SPTBN2: variants seen among roughly 807,000 people sequenced by gnomAD.
SPTBN2 encodes the protein spectrin beta, non-erythrocytic 2.
In SPTBN2, 107 loss-of-function variants were observed where a neutral mutation model predicts 284.2. That is an observed-to-expected ratio of 0.38 (90% CI 0.32 to 0.44). The LOEUF (loss-of-function observed/expected upper bound fraction) is 0.44, where lower values mean the gene tolerates loss of function less well. Ranked by LOEUF, SPTBN2 falls within the 20% of genes least tolerant of loss-of-function variation. The probability of loss-of-function intolerance (pLI) is 1.00; values close to 1 mark genes in which losing one functional copy is unlikely to be tolerated. For synonymous variants in SPTBN2, 1,289 were observed against 1,354.8 expected (o/e 0.95, Z 1.07); for missense variants, 2,569 against 3,287.1 (o/e 0.78, Z 5.34).
chr11:66,689,320 G>A, intron 29 of SPTBN2, 140 bp from the exon 30 acceptor site: 1 of 931,252 alleles, frequency 1.1e-6, no homozygotes, highest in Non-Finnish European at 1.6e-6. Context: ...TATCACCAAG[G>A]CTGGAATGCA....
intron 3 of SPTBN2, among the ~76,000 whole-genome samples, chr11:66,717,486 C>G (rs1351727827): frequency 6.6e-6 from 1 of 152,306 alleles, no homozygotes; most frequent in African/African-American, 2.4e-5. Context: ...AACACACCCA[C>G]GTCGCTCCGT....
chr11:66,735,030 C>A (rs1942842612), intron 1 of SPTBN2, among the ~76,000 whole-genome samples: 1 of 152,022 alleles, frequency 6.6e-6, no homozygotes, highest in African/African-American at 2.4e-5. Flanking sequence ...TTTATTAGAC[C>A]CTTTAAAATC....
At position 66,693,660 on chromosome 11, in the gene SPTBN2, T is replaced by C; in HGVS notation, c.4593+112A>G. The stretch of plus-strand genomic sequence containing the variant: ...TCCCAAGGTGAGGAAAGACAGCCAC[T>C]GAAGTCCAGGGTTACACTCAGCATC... On this transcript the variant is annotated intron_variant, in intron 23 of 37. Coordinates refer to ENST00000533211, the MANE Select transcript of SPTBN2 (RefSeq NM_006946.4). This position sits in a 1 kb window ranked among gnomAD's most constrained non-coding sequence, Gnocchi z 5.7. 1 of 1,326,078 alleles carries C rather than the reference T, an allele frequency of 7.5e-7. No homozygotes were observed. The highest frequency in any genetic ancestry group is 2.5e-5 in the East Asian group (1 of 39,894). 82.1% of individuals were successfully genotyped at this position (1,326,078 alleles called of 1,614,324 possible). A position where few individuals can be genotyped will look rare whatever the true frequency, so the allele number is the denominator to read the frequency against.
At position 66,694,652 on chromosome 11, in the gene SPTBN2, T is replaced by G. The variant is rs372216301; in HGVS notation, c.4279-289A>C. Among the ~76,000 whole-genome samples, 12 of 152,306 alleles carry G rather than the reference T, an allele frequency of 7.9e-5. No homozygotes were observed. In the East Asian group the frequency reaches 2.3e-3, roughly 29 times the overall value. On this transcript the variant is annotated intron_variant, in intron 21 of 37. Transcript: ENST00000533211. ...CACACAATATAACTTATAACAAACC[T>G]GCACCCACACCCGCGAATCTAAAAG... is the stretch of plus-strand genomic sequence containing the variant.
rs188111050 is a variant in SPTBN2 at position 66,716,053 on chromosome 11, G to T, written c.158-72C>A. The T allele has an allele frequency of 3.1e-6, 5 of 1,605,102 alleles. No homozygotes were observed. In the African/African-American group the frequency reaches 6.7e-5, roughly 21 times the overall value. ...CCTGCTTCTAAACACCAGTTGGCAG[G>T]GGTGGGGGATGGAGAAGCCTGAGAG... is the stretch of plus-strand genomic sequence containing the variant. On this transcript the variant is annotated intron_variant, in intron 3 of 37. Transcript: ENST00000533211.
chr11:66,692,796 G>C, intron 25 of SPTBN2, 56 bp from the exon 26 acceptor site: 1 of 1,598,374 alleles, frequency 6.3e-7, no homozygotes, highest in Admixed American at 1.7e-5. Context: ...TCTGACCTCC[G>C]GTCTGTTCTG....
At chr11:66,698,820 G>T (rs1941082355) in intron 19 of SPTBN2, 35 bp from the exon 20 acceptor site, 3 of 1,611,484 alleles carry the variant, frequency 1.9e-6, no homozygotes, top group Non-Finnish European at 1.7e-6. Context: ...ATTTCCAAGG[G>T]AGGGGAGAGG....
intron 20 of SPTBN2, among the ~76,000 whole-genome samples, chr11:66,697,746 C>T (rs1369833461): frequency 3.3e-5 from 5 of 152,180 alleles, no homozygotes; most frequent in South Asian, 2.1e-4. Flanking sequence ...GCTCTGGATT[C>T]GATTTAGCTA....
In SPTBN2 at chr11:66,693,916, G is replaced by T; in HGVS notation, c.4504-55C>A. 1.3e-6 allele frequency: 2 copies of T among 1,552,968 alleles called. No individual in the cohort carries two copies. Among genetic ancestry groups the T allele is most frequent in the Non-Finnish European group, 1.8e-6 (2 of 1,132,148 alleles). On this transcript the variant is annotated intron_variant, in intron 22 of 37. Transcript: ENST00000533211. This position sits in a 1 kb window ranked among gnomAD's most constrained non-coding sequence, Gnocchi z 5.7. Reference sequence around the variant, plus strand: ...CCCAGAGGGCAAGGCAAGCAGCAGGGACTGATTAGTGGGAGTGGGGACACC... The same window carrying T: ...CCCAGAGGGCAAGGCAAGCAGCAGGTACTGATTAGTGGGAGTGGGGACACC...
intron 3 of SPTBN2, among the ~76,000 whole-genome samples, chr11:66,719,299 C>A (rs1942286623): frequency 6.6e-6 from 1 of 152,254 alleles, no homozygotes; most frequent in Non-Finnish European, 1.5e-5. Context: ...TCTGGCCCAC[C>A]AGGGCCATCC....
At position 66,704,972 on chromosome 11, in the gene SPTBN2, G is replaced by A; in HGVS notation, c.2304C>T (p.Arg768=). The change falls in exon 15 of 38, where the codon CGC becomes CGT. Residue 768 remains arginine, a synonymous_variant. Coordinates refer to ENST00000533211, the MANE Select transcript of SPTBN2 (RefSeq NM_006946.4). ...GCCCCAGCTCGGGGCTGGACACCAG[G>A]CGCAGTGCGTCAACCAACCAGGCCT... ...DMEAWLVDAL[R]LVSSPELGHD... 1 of 1,608,340 alleles carries A rather than the reference G, an allele frequency of 6.2e-7. No individual in the cohort carries two copies. Among genetic ancestry groups the A allele is most frequent in the Non-Finnish European group, 8.5e-7 (1 of 1,179,874 alleles).
chr11:66,726,650 A>G (rs1942630985), intron 1 of SPTBN2, among the ~76,000 whole-genome samples: 1 of 152,234 alleles, frequency 6.6e-6, no homozygotes, highest in Non-Finnish European at 1.5e-5. Flanking sequence ...AGGAAGATGA[A>G]GATGGAGTAG....
In SPTBN2 at chr11:66,700,853, G is replaced by A. The variant is rs1188081857; in HGVS notation, c.3246C>T (p.Gly1082=). ...CAGAGGCCACAGCAGTCTGAGTGCGGCCTAGCCAGGCCTGGAAGTCATCCA... is the reference window on the plus strand; with the variant it reads ...CAGAGGCCACAGCAGTCTGAGTGCGACCTAGCCAGGCCTGGAAGTCATCCA... ...RSLDDFQAWL[G]RTQTAVASEE... is the part of the protein sequence containing the mutation. Residue 1082 remains glycine, a synonymous_variant, in exon 17 of 38, where the codon GGC becomes GGT. Coordinates refer to ENST00000533211, the MANE Select transcript of SPTBN2 (RefSeq NM_006946.4). This position sits in a 1 kb window ranked among gnomAD's most constrained non-coding sequence, Gnocchi z 6.6. 1.3e-6 allele frequency: 2 copies of A among 1,600,002 alleles called. No individual in the cohort carries two copies. The highest frequency in any genetic ancestry group is 1.1e-5 in the South Asian group (1 of 91,084).
At position 66,714,181 on chromosome 11, in the gene SPTBN2, G is replaced by C. The variant is rs777808927; in HGVS notation, c.576-10C>G. On this transcript the variant is annotated splice_polypyrimidine_tract_variant and intron_variant, in intron 6 of 37. Transcript: ENST00000533211. ...ATTGACGTTGGGATAACTATAAACA[G>C]AGATTCAGAAAATGGTGAGTAGGGC... The C allele has an allele frequency of 6.2e-7, 1 of 1,614,064 alleles. No individual in the cohort carries two copies. The highest frequency in any genetic ancestry group is 8.5e-7 in the Non-Finnish European group (1 of 1,179,922).
At chr11:66,694,483 G>A in intron 21 of SPTBN2, 120 bp from the exon 22 acceptor site, 1 of 996,734 alleles carries the variant, frequency 1.0e-6, no homozygotes. Flanking sequence ...GCTCACCCAG[G>A]GAGAGCATCC....
chr11:66,726,029 G>C (rs547237745), intron 1 of SPTBN2, among the ~76,000 whole-genome samples: 3 of 152,228 alleles, frequency 2.0e-5, no homozygotes, highest in Admixed American at 2.0e-4. Context: ...AGTTGTTTAC[G>C]TGTCTCTCTG....
At position 66,715,192 on chromosome 11, in the gene SPTBN2, C is replaced by T. The variant is rs1178790662; in HGVS notation, c.483+30G>A. ...TGCGGTGCAGAGCCAGGGCAGGAACCACACCCTGTGTGACAGTGTGCTGGG... is the reference window on the plus strand; with the variant it reads ...TGCGGTGCAGAGCCAGGGCAGGAACTACACCCTGTGTGACAGTGTGCTGGG... On this transcript the variant is annotated intron_variant, in intron 5 of 37. Coordinates refer to ENST00000533211, the MANE Select transcript of SPTBN2 (RefSeq NM_006946.4). The surrounding 1 kb of genome is among the most constrained non-coding windows in gnomAD (Gnocchi z 5.3). 2 of 1,613,952 alleles carry T rather than the reference C, an allele frequency of 1.2e-6. No individual in the cohort carries two copies. Among genetic ancestry groups the T allele is most frequent in the Non-Finnish European group, 1.7e-6 (2 of 1,179,968 alleles).
rs1309011479 is a variant in SPTBN2, at chr11:66,685,668, C to A, written c.*203G>T. On this transcript the variant is annotated 3_prime_UTR_variant, in exon 38 of 38. Coordinates refer to ENST00000533211, the MANE Select transcript of SPTBN2 (RefSeq NM_006946.4). This position sits in a 1 kb window ranked among gnomAD's most constrained non-coding sequence, Gnocchi z 4.4. ...AGAGGGGGTTACCTGGGTCCCACCA[C>A]CAGTCTGGAATTAAACAGCAGAAGA... is the stretch of plus-strand genomic sequence containing the variant. The A allele has an allele frequency of 2.7e-5, 16 of 598,956 alleles. No individual in the cohort carries two copies. The East Asian group carries it at 4.3e-4, about 16-fold the overall frequency. The allele number at this position is 598,956 out of a possible 1,614,324, so 37.1% of individuals were successfully genotyped here. A position where few individuals can be genotyped will look rare whatever the true frequency, so the allele number is the denominator to read the frequency against.
At chr11:66,714,738 C>T (rs1368536235) in intron 5 of SPTBN2, among the ~76,000 whole-genome samples, 1 of 151,956 alleles carries the variant, frequency 6.6e-6, no homozygotes, top group Admixed American at 6.6e-5. Flanking sequence ...AAGGTGAAGC[C>T]GACAGAACCC....
Sources: gnomAD v4.1 joint callset for allele counts (sites outside exome capture counted in the v4.1 genomes callset) on GRCh38, gnomAD v4.1.1 for gene constraint, Gnocchi (gnomAD v3.1) non-coding constraint, MANE v1.5 for transcripts, NCBI Gene and HGNC (gene_info 2026-07-23, HGNC 2026-07-21) for gene names.